Variants in TBC1D9 observed in about 807,000 individuals in gnomAD.
TBC1D9 encodes TBC1 domain family member 9.
Under a neutral mutation model 132.0 loss-of-function variants are expected in TBC1D9, and 63 were observed. That is an observed-to-expected ratio of 0.48 (90% confidence interval 0.39 to 0.59). The LOEUF (loss-of-function observed/expected upper bound fraction) is 0.59, where lower values mean the gene tolerates loss of function less well. Among genes scored for constraint, TBC1D9 ranks in the 20% least tolerant of loss-of-function variants. The pLI is 0.00. For missense variants in TBC1D9, 1,261 were observed against 1,592.7 expected (o/e 0.79, Z 3.54); for synonymous variants, 610 against 609.9 (o/e 1.00, Z 0.00).
intron 6 of TBC1D9, among the ~76,000 whole-genome samples, chr4:140,671,165 G>T (rs912226528): frequency 1.3e-5 from 2 of 152,128 alleles, no homozygotes; most frequent in African/African-American, 4.8e-5. Flanking sequence ...CAAATCAGTG[G>T]TTCAAAATGG....
chr4:140,731,009 A>G (rs1219369404), intron 1 of TBC1D9, among the ~76,000 whole-genome samples: 1 of 152,182 alleles, frequency 6.6e-6, no homozygotes, highest in Non-Finnish European at 1.5e-5. Flanking sequence ...TCCTTTACCC[A>G]AAGACAGTCA....
At chr4:140,646,061 A>G (rs940182154) in intron 13 of TBC1D9, among the ~76,000 whole-genome samples, 6 of 152,324 alleles carry the variant, frequency 3.9e-5, no homozygotes, top group Admixed American at 3.9e-4. Flanking sequence ...ACTCTATGGC[A>G]GAGACTGTGT....
intron 13 of TBC1D9, chr4:140,643,251 A>C: frequency 7.6e-7 from 1 of 1,313,260 alleles, no homozygotes. Context: ...CTCCAGCTCC[A>C]GCTCTGCGAT....
At chr4:140,688,492 C>T (rs1737823691) in intron 2 of TBC1D9, among the ~76,000 whole-genome samples, 1 of 151,976 alleles carries the variant, frequency 6.6e-6, no homozygotes, top group East Asian at 1.9e-4. Context: ...ATAGTGATAC[C>T]CTCATCTCTA....
chr4:140,703,896 G>A (rs1738110071), intron 1 of TBC1D9, among the ~76,000 whole-genome samples: 1 of 152,152 alleles, frequency 6.6e-6, no homozygotes. Flanking sequence ...ATTTACTACA[G>A]AGACCTCTAA....
intron 18 of TBC1D9, among the ~76,000 whole-genome samples, chr4:140,624,878 C>T (rs1209722531): frequency 1.3e-5 from 2 of 152,044 alleles, no homozygotes; most frequent in East Asian, 1.9e-4. Flanking sequence ...ATGGTGAAAC[C>T]CTGTTTCTAC....
intron 1 of TBC1D9, among the ~76,000 whole-genome samples, chr4:140,705,694 C>T (rs961715225): frequency 5.9e-5 from 9 of 152,130 alleles, no homozygotes; most frequent in African/African-American, 1.4e-4. Context: ...AGAATCCCCC[C>T]GCCCCACTGC....
At chr4:140,733,939 CT>C (rs1453502317) in intron 1 of TBC1D9, among the ~76,000 whole-genome samples, 1 of 152,058 alleles carries the variant, frequency 6.6e-6, no homozygotes, top group African/African-American at 2.4e-5. Flanking sequence ...CTCCTCCGCT[CT>C]TCCTCCCTCT....
At chr4:140,655,518 C>T (rs929858420) in intron 13 of TBC1D9, among the ~76,000 whole-genome samples, 4 of 152,122 alleles carry the variant, frequency 2.6e-5, no homozygotes, top group Admixed American at 6.6e-5. Context: ...GAGCATAGTG[C>T]GCTCAGCAGA....
intron 13 of TBC1D9, among the ~76,000 whole-genome samples, chr4:140,648,433 C>T (rs925535166): frequency 2.8e-5 from 4 of 143,034 alleles, no homozygotes; most frequent in African/African-American, 7.9e-5. Flanking sequence ...GTGTCCAAGA[C>T]GGAGTGCAGT....
At chr4:140,693,600 C>T (rs1560887760) in intron 2 of TBC1D9, among the ~76,000 whole-genome samples, 3 of 152,178 alleles carry the variant, frequency 2.0e-5, no homozygotes, top group African/African-American at 4.8e-5. Flanking sequence ...ACAGAAAACA[C>T]CAAACAGTTA....
intron 13 of TBC1D9, chr4:140,641,858 C>T: frequency 2.9e-6 from 1 of 339,090 alleles, no homozygotes; most frequent in Non-Finnish European, 5.6e-6. Flanking sequence ...CTCCTCACCC[C>T]CCATCTCTCC....
At chr4:140,656,363 T>A (rs1193898479) in intron 13 of TBC1D9, among the ~76,000 whole-genome samples, 1 of 152,094 alleles carries the variant, frequency 6.6e-6, no homozygotes, top group East Asian at 1.9e-4. Context: ...AATAAATAAA[T>A]ATATAAATAA....
At chr4:140,735,650 G>T (rs1348751794) in intron 1 of TBC1D9, among the ~76,000 whole-genome samples, 2 of 152,194 alleles carry the variant, frequency 1.3e-5, no homozygotes, top group Non-Finnish European at 2.9e-5. Context: ...GTTCAAGGCT[G>T]CAGTGAGCTA....
intron 1 of TBC1D9, among the ~76,000 whole-genome samples, chr4:140,753,530 T>C (rs1738957502): frequency 6.6e-6 from 1 of 152,192 alleles, no homozygotes; most frequent in African/African-American, 2.4e-5. Context: ...TAGCTGCTTC[T>C]CTCCAGGCTC....
At chr4:140,711,979 C>T (rs1327264969) in intron 1 of TBC1D9, among the ~76,000 whole-genome samples, 1 of 152,040 alleles carries the variant, frequency 6.6e-6, no homozygotes, top group Non-Finnish European at 1.5e-5. Flanking sequence ...GATGAGAAAA[C>T]AAAAAATATA....
chr4:140,748,088 G>T (rs1738864888), intron 1 of TBC1D9, among the ~76,000 whole-genome samples: 1 of 152,088 alleles, frequency 6.6e-6, no homozygotes, highest in Admixed American at 6.6e-5. Context: ...ACAGACAGCA[G>T]AACAGGCTTA....
intron 13 of TBC1D9, chr4:140,643,900 A>G: frequency 1.4e-6 from 1 of 705,974 alleles, no homozygotes; most frequent in Non-Finnish European, 2.6e-6. Flanking sequence ...GGCAGCGGCA[A>G]CTCCAGAGGC....
chr4:140,653,888 G>T (rs754053190), intron 13 of TBC1D9, among the ~76,000 whole-genome samples: 1 of 152,226 alleles, frequency 6.6e-6, no homozygotes, highest in Non-Finnish European at 1.5e-5. Context: ...CCACCATTAG[G>T]GATCAGCCCA....
Sources: gnomAD v4.1 joint callset for allele counts (sites outside exome capture counted in the v4.1 genomes callset) on GRCh38, gnomAD v4.1.1 for gene constraint, MANE v1.5 for transcripts, NCBI Gene and HGNC (gene_info 2026-07-23, HGNC 2026-07-21) for gene names.